Variants in LIMS1 observed in about 807,000 individuals in gnomAD.
LIMS1 encodes LIM and senescent cell antigen-like-containing domain protein 1.
LIMS1 carries 18 observed loss-of-function variants against 44.1 expected under a neutral mutation model. That is an observed-to-expected ratio of 0.41 (90% CI 0.28 to 0.61). The LOEUF is 0.61. Ranked by LOEUF, LIMS1 falls within the 20% of genes least tolerant of loss-of-function variation. The pLI, the probability that LIMS1 is intolerant of heterozygous loss-of-function variation, is 0.32. For synonymous variants in LIMS1, 93 were observed against 149.1 expected, an observed-to-expected ratio of 0.62 and a Z score of 2.74; for missense variants, 201 against 422.0, an observed-to-expected ratio of 0.48 and a Z score of 4.59.
chr2:108,577,164 T>TA (rs1685702061), intron 1 of LIMS1, among the ~76,000 whole-genome samples: 3 of 152,248 alleles, frequency 2.0e-5, no homozygotes, highest in African/African-American at 7.2e-5. Flanking sequence ...AACTGAGTCT[T>TA]ATTGCTGTTG....
chr2:108,534,717 T>G (rs12104672), intron 1 of LIMS1, 123 bp downstream of exon 1: 182,867 of 436,224 alleles, frequency 0.42, 41,327 homozygotes, highest in East Asian at 0.95. Context: ...CCTCCCCCGG[T>G]CGGCCGGAGC....
rs1048927757 is a variant in LIMS1 at position 108,680,564 on chromosome 2, A to G, written c.824-131A>G. The G allele has an allele frequency of 3.6e-4, 117 of 325,538 alleles. 1 individual carries two copies. Among genetic ancestry groups the G allele is most frequent in the African/African-American group, 1.3e-3 (47 of 35,464 alleles). 20.2% of individuals were successfully genotyped at this position (325,538 alleles called of 1,614,324 possible). On this transcript the variant is annotated intron_variant, in intron 8 of 9. Transcript: ENST00000544547. ...TTAAAAAAAAAAAAAAAAAAAAAAA[A>G]GGTTCTTGAGAACCTCCACCAAGTG...
In LIMS1 at chr2:108,587,292, G is replaced by T. The variant is rs12620438; in HGVS notation, c.32+52698G>T. On this transcript the variant is annotated intron_variant, in intron 1 of 9. Coordinates refer to ENST00000544547, the Ensembl canonical transcript of LIMS1. ...GTGATGAGTTGTTTTCTTGGGGTTT[G>T]TGTGTGTGTGTGTGTGTGTGTGTGT... Among the ~76,000 whole-genome samples the T allele has an allele frequency of 0.029, 313 of 10,780 alleles. 18 individuals carry two copies. In the East Asian group the frequency reaches 0.45, roughly 16 times the overall value. 7.1% of individuals were successfully genotyped at this position (10,780 alleles called of 152,430 possible). A position where few individuals can be genotyped will look rare whatever the true frequency, so the allele number is the denominator to read the frequency against.
At chr2:108,616,628 G>C (rs1465202297) in intron 1 of LIMS1, among the ~76,000 whole-genome samples, 4 of 152,202 alleles carry the variant, frequency 2.6e-5, no homozygotes, top group African/African-American at 9.6e-5. Context: ...ATCTGCTTGT[G>C]AGTGGGACCA....
intron 2 of LIMS1, among the ~76,000 whole-genome samples, chr2:108,664,086 AGCAAGATGTTTT>A (rs1691581529): frequency 6.6e-6 from 1 of 152,182 alleles, no homozygotes; most frequent in Non-Finnish European, 1.5e-5. Flanking sequence ...GTAGTCTTGT[AGCAAGATGTTTT>A]ACAAAGAGGT....
At chr2:108,569,682 A>G (rs1421734891) in intron 1 of LIMS1, among the ~76,000 whole-genome samples, 1 of 151,656 alleles carries the variant, frequency 6.6e-6, no homozygotes, top group East Asian at 1.9e-4. Flanking sequence ...CTATGGCATG[A>G]ACACCTAGGC....
rs184955572 is a variant in LIMS1, at chr2:108,615,537, A to G, written c.33-44068A>G. Reference sequence around the variant, plus strand: ...TATCTACTCTAGAGCTCTTATCCTCAAGCAGCTTTGTGACCAAAGAAAAGG... The same window carrying G: ...TATCTACTCTAGAGCTCTTATCCTCGAGCAGCTTTGTGACCAAAGAAAAGG... On this transcript the variant is annotated intron_variant, in intron 1 of 9. Coordinates refer to ENST00000544547, the Ensembl canonical transcript of LIMS1. Among the ~76,000 whole-genome samples the G allele has an allele frequency of 5.3e-5, 8 of 152,168 alleles. No individual in the cohort carries two copies. In the East Asian group the frequency reaches 1.2e-3, roughly 22 times the overall value.
chr2:108,547,641 G>A (rs545693849), intron 1 of LIMS1, among the ~76,000 whole-genome samples: 3 of 152,244 alleles, frequency 2.0e-5, no homozygotes, highest in Admixed American at 6.5e-5. Context: ...TGTGTTGAAC[G>A]CCTCTTTCTG....
At chr2:108,678,159 G>A (rs536979974) in intron 8 of LIMS1, 132 bp downstream of exon 8, 81 of 1,085,266 alleles carry the variant, frequency 7.5e-5, no homozygotes, top group African/African-American at 6.0e-4. Context: ...TATCTTTGGC[G>A]TATTTTCCAA....
At chr2:108,593,228 C>T (rs1281453198) in intron 1 of LIMS1, among the ~76,000 whole-genome samples, 3 of 151,856 alleles carry the variant, frequency 2.0e-5, no homozygotes, top group Non-Finnish European at 4.4e-5. Flanking sequence ...CTGATAGTCT[C>T]ATGGTTTTTC....
At chr2:108,611,056 T>G (rs754344580) in intron 1 of LIMS1, among the ~76,000 whole-genome samples, 10 of 152,310 alleles carry the variant, frequency 6.6e-5, no homozygotes, top group Non-Finnish European at 1.3e-4. Flanking sequence ...GATTTCTGAT[T>G]ATAAGTTCTC....
chr2:108,647,860 C>T (rs1192733184), intron 1 of LIMS1, among the ~76,000 whole-genome samples: 3 of 152,200 alleles, frequency 2.0e-5, no homozygotes, highest in African/African-American at 7.2e-5. Context: ...CAATAGCATA[C>T]TGAATGGGCA....
Position 108,659,654 on chromosome 2 carries a change from G to A in LIMS1, c.82G>A (p.Gly28Ser), listed in dbSNP as rs146149508. ...CGCCACTTGCGAGCGCTGCAAGGGC[G>A]GCTTTGCGCCCGCTGAGAAGATCGT... Residue 28 changes from glycine (G) to serine (S), a missense_variant, in exon 2 of 10, where the codon GGC becomes AGC. Around this residue, in one of 7 missense-constraint regions of LIMS1, gnomAD observed 101 missense variants for 215.2 expected, o/e 0.47. Transcript: ENST00000544547. The A allele has an allele frequency of 9.1e-3, 14,693 of 1,611,974 alleles. 46 individuals carry two copies. Among genetic ancestry groups the A allele is most frequent in the Non-Finnish European group, 0.011 (13,046 of 1,179,686 alleles).
chr2:108,595,796 G>A (rs534586285), intron 1 of LIMS1, among the ~76,000 whole-genome samples: 4 of 152,088 alleles, frequency 2.6e-5, no homozygotes, highest in Non-Finnish European at 5.9e-5. Context: ...TTTGCAGCTC[G>A]TTTGGAGCCT....
At position 108,552,585 on chromosome 2, in the gene LIMS1, G is replaced by GGTGTGTGTGTGTGT. The variant is rs151262934; in HGVS notation, c.32+18006_32+18019dup. ...TTGGGGTGTATATATATATATTTTG[G>GGTGTGTGTGTGTGT]GTGTGTGTGTGTGTGTGTGTGTGTG... is the stretch of plus-strand genomic sequence containing the variant. On this transcript the variant is annotated intron_variant, in intron 1 of 9. Transcript: ENST00000544547. 1.0e-3 allele frequency among the ~76,000 whole-genome samples: 106 copies of GGTGTGTGTGTGTGT among 101,900 alleles called. 1 individual carries two copies. The highest frequency in any genetic ancestry group is 4.2e-3 in the South Asian group (15 of 3,572). The allele number at this position is 101,900 out of a possible 152,430, so 66.9% of individuals were successfully genotyped here. A position where few individuals can be genotyped will look rare whatever the true frequency, so the allele number is the denominator to read the frequency against.
chr2:108,636,172 C>T (rs1044641136), intron 1 of LIMS1, among the ~76,000 whole-genome samples: 3 of 152,200 alleles, frequency 2.0e-5, no homozygotes, highest in Admixed American at 6.5e-5. Context: ...CTACTCCGTG[C>T]CCGGGGTCAC....
chr2:108,636,477 C>T (rs1276895774), intron 1 of LIMS1, among the ~76,000 whole-genome samples: 1 of 152,206 alleles, frequency 6.6e-6, no homozygotes, highest in Non-Finnish European at 1.5e-5. Flanking sequence ...AGGGAGCAGG[C>T]AGGACTGGGA....
At position 108,659,883 on chromosome 2, in the gene LIMS1, A is replaced by T. The variant is rs1277708357; in HGVS notation, c.192+119A>T. ...TCATGATGAAAGACTGAAGTGCCAC[A>T]TGCATGCCAGGTATTTGATAGCTGT... On this transcript the variant is annotated intron_variant, in intron 2 of 9. Coordinates refer to ENST00000544547, the Ensembl canonical transcript of LIMS1. 8 of 1,510,920 alleles carry T rather than the reference A, an allele frequency of 5.3e-6. No homozygotes were observed. The African/African-American group carries it at 8.1e-5, about 15-fold the overall frequency. The allele number at this position is 1,510,920 out of a possible 1,614,324, so 93.6% of individuals were successfully genotyped here.
At chr2:108,618,011 G>A (rs900492392) in intron 1 of LIMS1, among the ~76,000 whole-genome samples, 8 of 152,204 alleles carry the variant, frequency 5.3e-5, no homozygotes, top group African/African-American at 1.9e-4. Flanking sequence ...TGGGCATGTG[G>A]GGGAAAGCCC....
Sources: gnomAD v4.1 joint callset for allele counts (sites outside exome capture counted in the v4.1 genomes callset) on GRCh38, gnomAD v4.1.1 for gene constraint, gnomAD v4.1.1 regional missense constraint, MANE v1.5 for transcripts, NCBI Gene and HGNC (gene_info 2026-07-23, HGNC 2026-07-21) for gene names.